HS3ST5: variants seen among roughly 807,000 people sequenced by gnomAD.
The protein encoded by HS3ST5 is heparan sulfate-glucosamine 3-sulfotransferase 5.
HS3ST5 carries 10 observed loss-of-function variants against 25.4 expected under a neutral mutation model. The ratio of observed to expected loss-of-function variants is 0.39; its 90% confidence interval spans 0.24 to 0.67. HS3ST5 has a LOEUF of 0.67. HS3ST5 is among the 30% of genes least tolerant of loss of function. HS3ST5 has a pLI of 0.44. For missense variants in HS3ST5, 324 were observed against 420.7 expected, an observed-to-expected ratio of 0.77 and a Z score of 2.01; for synonymous variants, 170 against 162.4, an observed-to-expected ratio of 1.05 and a Z score of -0.36.
rs1386832173 is a variant in HS3ST5, at chr6:114,175,419, T to C, written c.-144-6957A>G. On this transcript the variant is annotated intron_variant, in intron 2 of 4. Transcript: ENST00000312719. The stretch of plus-strand genomic sequence containing the variant: ...TTATGATTATGACAGATTCAGGGAA[T>C]TGGTTCAGGGTTCTTTGCATCCAAA... 2.0e-5 allele frequency among the ~76,000 whole-genome samples: 3 copies of C among 152,182 alleles called. No homozygotes were observed. The East Asian group carries it at 5.8e-4, about 29-fold the overall frequency.
chr6:114,300,170 T>C (rs1428854356), intron 1 of HS3ST5, among the ~76,000 whole-genome samples: 1 of 151,966 alleles, frequency 6.6e-6, no homozygotes, highest in African/African-American at 2.4e-5. Flanking sequence ...TCATCAAAAT[T>C]AAAACTATTG....
intron 1 of HS3ST5, among the ~76,000 whole-genome samples, chr6:114,313,109 G>A (rs1269347958): frequency 7.3e-6 from 1 of 136,416 alleles, no homozygotes; most frequent in Non-Finnish European, 1.5e-5. Context: ...CTCAATATTA[G>A]TCATCAGAGA....
intron 3 of HS3ST5, among the ~76,000 whole-genome samples, chr6:114,161,876 A>G (rs1778990630): frequency 6.6e-6 from 1 of 151,658 alleles, no homozygotes; most frequent in South Asian, 2.1e-4. Context: ...AGACACAAAA[A>G]CCCCCAAGTT....
At chr6:114,276,469 A>T (rs7763134) in intron 1 of HS3ST5, among the ~76,000 whole-genome samples, 50,423 of 151,608 alleles carry the variant, frequency 0.33, 8,489 homozygotes, top group East Asian at 0.4. Flanking sequence ...TGGGTAACTC[A>T]TGCTTTTACA....
At chr6:114,259,364 CAT>C (rs1278694717) in intron 1 of HS3ST5, among the ~76,000 whole-genome samples, 2 of 152,254 alleles carry the variant, frequency 1.3e-5, no homozygotes, top group Admixed American at 6.5e-5. Flanking sequence ...TTTTAATACT[CAT>C]GTGGCATCAT....
chr6:114,084,670 G>A, intron 3 of HS3ST5: 2 of 1,209,756 alleles, frequency 1.7e-6, no homozygotes, highest in South Asian at 1.2e-5. Context: ...GGTCAGCCCT[G>A]GGGTCAGTAA....
At chr6:114,215,173 G>GC (rs1462368232) in intron 2 of HS3ST5, among the ~76,000 whole-genome samples, 2 of 151,954 alleles carry the variant, frequency 1.3e-5, no homozygotes, top group African/African-American at 2.4e-5. Context: ...AGGCGTCGTG[G>GC]CGGGCCCCTG....
intron 3 of HS3ST5, among the ~76,000 whole-genome samples, chr6:114,082,375 T>A (rs1186481833): frequency 6.6e-6 from 1 of 152,218 alleles, no homozygotes; most frequent in African/African-American, 2.4e-5. Flanking sequence ...GACTTTCTTT[T>A]TCTTAACTGG....
chr6:114,229,286 C>A (rs1201582776), intron 1 of HS3ST5, among the ~76,000 whole-genome samples: 1 of 152,064 alleles, frequency 6.6e-6, no homozygotes, highest in African/African-American at 2.4e-5. Context: ...GTTGCCTATT[C>A]GGGAAAACCA....
intron 3 of HS3ST5, among the ~76,000 whole-genome samples, chr6:114,118,921 T>C (rs1461097172): frequency 1.3e-5 from 2 of 152,196 alleles, no homozygotes; most frequent in Admixed American, 6.5e-5. Context: ...CTGTTCTGTT[T>C]GTCTGGTCCT....
chr6:114,102,104 A>G (rs1001097716), intron 3 of HS3ST5, among the ~76,000 whole-genome samples: 3 of 152,152 alleles, frequency 2.0e-5, no homozygotes, highest in African/African-American at 7.2e-5. Context: ...CAGGTACTAT[A>G]CTTAGTTATC....
intron 3 of HS3ST5, among the ~76,000 whole-genome samples, chr6:114,103,849 C>T (rs1775856842): frequency 9.1e-6 from 1 of 110,292 alleles, no homozygotes; most frequent in Non-Finnish European, 1.9e-5. Flanking sequence ...TGCCACCACA[C>T]CTGGCTAATT....
chr6:114,275,574 G>A (rs1773816192), intron 1 of HS3ST5, among the ~76,000 whole-genome samples: 1 of 151,870 alleles, frequency 6.6e-6, no homozygotes, highest in Non-Finnish European at 1.5e-5. Context: ...TATAGCATAG[G>A]GTAGGGATCA....
At chr6:114,222,106 A>T (rs1235140262) in intron 2 of HS3ST5, among the ~76,000 whole-genome samples, 3 of 152,024 alleles carry the variant, frequency 2.0e-5, no homozygotes, top group Non-Finnish European at 3.0e-5. Flanking sequence ...ACAAGAATGA[A>T]CATTGAAAAA....
At chr6:114,190,143 C>T (rs935768125) in intron 2 of HS3ST5, among the ~76,000 whole-genome samples, 19 of 152,196 alleles carry the variant, frequency 1.2e-4, no homozygotes, top group Non-Finnish European at 1.3e-4. Context: ...TTCATTGACT[C>T]TGTTTTTCTC....
chr6:114,123,989 C>G (rs909539386), intron 3 of HS3ST5, among the ~76,000 whole-genome samples: 4 of 152,130 alleles, frequency 2.6e-5, no homozygotes, highest in African/African-American at 4.8e-5. Context: ...ATTATCACAT[C>G]CACTTTCTAA....
chr6:114,095,266 T>A (rs1582594652), intron 3 of HS3ST5, among the ~76,000 whole-genome samples: 1 of 152,232 alleles, frequency 6.6e-6, no homozygotes, highest in Non-Finnish European at 1.5e-5. Flanking sequence ...ACAGAGACCC[T>A]GGAGCCATTC....
chr6:114,187,619 T>C (rs1240989637), intron 2 of HS3ST5, among the ~76,000 whole-genome samples: 1 of 152,184 alleles, frequency 6.6e-6, no homozygotes, highest in Non-Finnish European at 1.5e-5. Flanking sequence ...GCTGTGAACA[T>C]TGTTGAGATG....
intron 1 of HS3ST5, among the ~76,000 whole-genome samples, chr6:114,320,453 C>T (rs1366321577): frequency 6.6e-6 from 1 of 152,102 alleles, no homozygotes; most frequent in Non-Finnish European, 1.5e-5. Flanking sequence ...AAGTCTTCTT[C>T]CCTTCTATGA....
Sources: gnomAD v4.1 joint callset for allele counts (sites outside exome capture counted in the v4.1 genomes callset) on GRCh38, gnomAD v4.1.1 for gene constraint, MANE v1.5 for transcripts, NCBI Gene and HGNC (gene_info 2026-07-23, HGNC 2026-07-21) for gene names.